The following OARD1 variants were observed in gnomAD, a reference collection of about 807,000 sequenced individuals.
The protein encoded by OARD1 is O-acyl-ADP-ribose deacylase 1, also known as ADP-ribose glycohydrolase OARD1.
In OARD1, 19 loss-of-function variants were observed where a neutral mutation model predicts 19.7. That is an observed-to-expected ratio of 0.96 (90% confidence interval 0.67 to 1.41). OARD1 has a LOEUF of 1.41. OARD1 is among the 40% of genes most tolerant of loss of function. The pLI is 0.00. For missense variants in OARD1, 190 were observed against 183.8 expected (o/e 1.03, Z -0.20); for synonymous variants, 70 against 61.8 (o/e 1.13, Z -0.62).
upstream of OARD1, chr6:41,072,689 T>A (rs1202542474): frequency 6.6e-6 from 1 of 152,360 alleles, no homozygotes; most frequent in Non-Finnish European, 1.5e-5. Context: ...TGGAAAGGGG[T>A]GGGCAGCTGG....
intron 1 of OARD1, among the ~76,000 whole-genome samples, chr6:41,088,589 TG>T (rs1764112545): frequency 6.6e-6 from 1 of 152,022 alleles, no homozygotes; most frequent in East Asian, 1.9e-4. Flanking sequence ...GTTTTTTCTT[TG>T]TTTGTTTTTT....
At chr6:41,069,803 CT>C (rs1323365729) in intron 4 of OARD1, 3 of 443,404 alleles carry the variant, frequency 6.8e-6, no homozygotes, top group Non-Finnish European at 1.2e-5. Context: ...GCATTCCTAA[CT>C]TTTGCAAGTC....
intron 1 of OARD1, among the ~76,000 whole-genome samples, chr6:41,096,043 C>T (rs1048765884): frequency 2.0e-5 from 3 of 152,134 alleles, no homozygotes; most frequent in African/African-American, 7.2e-5. Context: ...TCTCCAGTCT[C>T]CTCTAATTGG....
chr6:41,071,874 C>T (rs1326318236), intron 1 of OARD1, 199 bp from the exon 2 acceptor site: 1 of 509,624 alleles, frequency 2.0e-6, no homozygotes, highest in Non-Finnish European at 3.5e-6. Flanking sequence ...TGTCTCGACC[C>T]GCTCTCATTT....
Position 41,067,245 on chromosome 6 carries a change from C to A in OARD1, c.*90G>T. On this transcript the variant is annotated 3_prime_UTR_variant, in exon 6 of 6. Transcript: ENST00000424266. ...ACACACTACTTCTCATGAAACTTTC[C>A]TCTGCCTATTTTAAGGTAGGTTTGC... 1.4e-6 allele frequency: 1 copy of A among 709,996 alleles called. No individual in the cohort carries two copies. The highest frequency in any genetic ancestry group is 2.4e-6 in the Non-Finnish European group (1 of 412,248). The allele number at this position is 709,996 out of a possible 1,614,324, so 44.0% of individuals were successfully genotyped here. A position where few individuals can be genotyped will look rare whatever the true frequency, so the allele number is the denominator to read the frequency against.
rs1157730192 is a variant in OARD1, at chr6:41,078,113, A to AT, written c.-41-6439dup. 4.6e-5 allele frequency among the ~76,000 whole-genome samples: 7 copies of AT among 152,156 alleles called. No homozygotes were observed. The East Asian group carries it at 1.2e-3, about 25-fold the overall frequency. On this transcript the variant is annotated intron_variant, in intron 1 of 4. Transcript: ENST00000480585. ...TAGGGTCTATTAACATCTTACTATA[A>AT]TTGCCTTACCAGATATTTCTCCACC... is the stretch of plus-strand genomic sequence containing the variant.
intron 1 of OARD1, among the ~76,000 whole-genome samples, chr6:41,088,858 G>A (rs529442634): frequency 1.0e-3 from 158 of 151,734 alleles, no homozygotes; most frequent in African/African-American, 3.6e-3. Context: ...TGGGATTATG[G>A]GCATAAGCCA....
At chr6:41,091,067 A>C (rs1561855297) in intron 1 of OARD1, among the ~76,000 whole-genome samples, 1 of 152,248 alleles carries the variant, frequency 6.6e-6, no homozygotes, top group Non-Finnish European at 1.5e-5. Flanking sequence ...CAAATCCTCA[A>C]GTGCTGCTAT....
chr6:41,093,998 G>A (rs1764275420), intron 1 of OARD1, among the ~76,000 whole-genome samples: 1 of 152,144 alleles, frequency 6.6e-6, no homozygotes, highest in South Asian at 2.1e-4. Flanking sequence ...CCAACAGCAA[G>A]GGTGTCAGAG....
At chr6:41,079,741 A>G (rs1448945598) in intron 1 of OARD1, among the ~76,000 whole-genome samples, 2 of 152,170 alleles carry the variant, frequency 1.3e-5, no homozygotes, top group Non-Finnish European at 2.9e-5. Flanking sequence ...GCTTGGGTTT[A>G]TTATAGTAAA....
rs185990742 is a variant in OARD1 at position 41,087,053 on chromosome 6, C to T, written c.-42+10660G>A. 4.0e-5 allele frequency among the ~76,000 whole-genome samples: 6 copies of T among 151,846 alleles called. No homozygotes were observed. In the East Asian group the frequency reaches 9.7e-4, roughly 24 times the overall value. On this transcript the variant is annotated intron_variant, in intron 1 of 4. Coordinates refer to the OARD1 transcript ENST00000480585. Reference sequence around the variant, plus strand: ...AAAAGATATTTTTAATACATACAACCGAGTTTGTATTCAGAATATGTATAA... The same window carrying T: ...AAAAGATATTTTTAATACATACAACTGAGTTTGTATTCAGAATATGTATAA...
At chr6:41,089,528 G>A in intron 1 of OARD1, 1 of 1,497,288 alleles carries the variant, frequency 6.7e-7, no homozygotes, top group Non-Finnish European at 8.9e-7. Flanking sequence ...GGGGACCAAA[G>A]GAGACCAGTG....
chr6:41,071,623 G>A lies in OARD1; in HGVS notation c.12C>T (p.Ser4=), dbSNP rs1251528623. The change falls in exon 2 of 6, where the codon AGC becomes AGT. Residue 4 remains serine, a synonymous_variant. Coordinates refer to ENST00000424266, the MANE Select transcript of OARD1 (RefSeq NM_001329686.2). ...TGCTTCCTTCTGGATCTTCATTAAG[G>A]CTGCTGGCCATGATACTGAGTCGCT... MAS[S]LNEDPEGSRI... 6.2e-7 allele frequency: 1 copy of A among 1,613,396 alleles called. No homozygotes were observed. The highest frequency in any genetic ancestry group is 1.7e-5 in the Admixed American group (1 of 60,020).
rs190966168 is a variant in OARD1 at position 41,093,457 on chromosome 6, G to C, written c.-42+4256C>G. The stretch of plus-strand genomic sequence containing the variant: ...TCCAGCCTAGGAAGAAAGGGAACAA[G>C]AAAGGTACCCTTTCTTTTTTTTTTT... On this transcript the variant is annotated intron_variant, in intron 1 of 4. Coordinates refer to the OARD1 transcript ENST00000480585. 2.3e-3 allele frequency among the ~76,000 whole-genome samples: 354 copies of C among 151,834 alleles called. 1 individual carries two copies. Among genetic ancestry groups the C allele is most frequent in the Admixed American group, 0.016 (237 of 15,252 alleles).
chr6:41,092,827 A>C, intron 1 of OARD1: 1 of 1,450,260 alleles, frequency 6.9e-7, no homozygotes, highest in Non-Finnish European at 9.3e-7. Context: ...GCATTTACAA[A>C]AAAAATGGAT....
intron 5 of OARD1, 59 bp from the exon 6 acceptor site, chr6:41,067,496 CTCTTT>C: frequency 2.6e-6 from 3 of 1,134,088 alleles, no homozygotes; most frequent in Non-Finnish European, 1.3e-6. Context: ...AACTGCTCCT[CTCTTT>C]TAAGCTATAT....
intron 1 of OARD1, among the ~76,000 whole-genome samples, chr6:41,081,429 G>T (rs546307702): frequency 9.5e-4 from 145 of 151,946 alleles, no homozygotes; most frequent in Middle Eastern, 3.4e-3. Context: ...GGCAGAGCTT[G>T]CAGTGAGCAG....
In OARD1 at chr6:41,067,329, A is replaced by ACTG; in HGVS notation, c.*3_*5dup. The stretch of plus-strand genomic sequence containing the variant: ...GAACACGGAAACATCCAAAATGTTC[A>ACTG]CTGGTTCAGAGTGTGTACACAGTAA... On this transcript the variant is annotated 3_prime_UTR_variant, in exon 6 of 6. Coordinates refer to ENST00000424266, the MANE Select transcript of OARD1 (RefSeq NM_001329686.2). 6.3e-7 allele frequency: 1 copy of ACTG among 1,576,710 alleles called. No homozygotes were observed. Among genetic ancestry groups the ACTG allele is most frequent in the Non-Finnish European group, 8.7e-7 (1 of 1,146,936 alleles).
chr6:41,073,822 C>G (rs1452708414), upstream of OARD1, among the ~76,000 whole-genome samples: 1 of 152,172 alleles, frequency 6.6e-6, no homozygotes, highest in African/African-American at 2.4e-5. Flanking sequence ...GGTCTCCGGC[C>G]CGGCGCCGTT....
Sources: allele counts gnomAD v4.1 joint callset (sites outside exome capture counted in the v4.1 genomes callset), GRCh38; gene constraint gnomAD v4.1.1; transcripts MANE v1.5; gene names NCBI Gene and HGNC (gene_info 2026-07-23, HGNC 2026-07-21).